FGD4: variants seen among roughly 807,000 people sequenced by gnomAD.
The protein encoded by FGD4 is FYVE, RhoGEF and PH domain-containing protein 4.
A neutral mutation model predicts 102.0 loss-of-function variants in FGD4; 42 were observed. The observed-to-expected ratio is 0.41, with a 90% confidence interval of 0.32 to 0.53. The LOEUF is 0.53. FGD4 is among the 20% of genes least tolerant of loss of function. FGD4 has a pLI of 0.21. For synonymous variants in FGD4, 380 were observed against 375.7 expected (o/e 1.01, Z -0.13); for missense variants, 902 against 1,078.2 (o/e 0.84, Z 2.29).
chr12:32,564,050 G>T (rs1944969966), intron 1 of FGD4, 87 bp from the exon 2 acceptor site: 1 of 1,252,296 alleles, frequency 8.0e-7, no homozygotes, highest in Non-Finnish European at 1.1e-6. Context: ...GGAGGGAGAG[G>T]GAGTGGGAGA....
rs574123714 is a variant in FGD4 at position 32,443,337 on chromosome 12, C to A, written c.166+43378C>A. Among the ~76,000 whole-genome samples, 9 of 152,160 alleles carry A rather than the reference C, an allele frequency of 5.9e-5. No individual in the cohort carries two copies. In the East Asian group the frequency reaches 1.5e-3, roughly 26 times the overall value. On this transcript the variant is annotated intron_variant, in intron 1 of 16. Transcript: ENST00000534526. ...GTCTAGCCTGGGCAACAGAACAAGA[C>A]CCCTGGTTTTTTTGGTTTATTGTTG...
intron 1 of FGD4, among the ~76,000 whole-genome samples, chr12:32,562,342 G>A (rs1016870227): frequency 4.6e-5 from 7 of 152,196 alleles, no homozygotes; most frequent in African/African-American, 1.7e-4. Flanking sequence ...GCCCATGTGG[G>A]AAAAGTGTTT....
chr12:32,518,749 A>G (rs1356600787), intron 1 of FGD4, among the ~76,000 whole-genome samples: 2 of 152,094 alleles, frequency 1.3e-5, no homozygotes, highest in Admixed American at 1.3e-4. Flanking sequence ...AAACATCATA[A>G]GCTATTTAAT....
chr12:32,528,610 C>G (rs1220782495), intron 1 of FGD4, among the ~76,000 whole-genome samples: 2 of 152,120 alleles, frequency 1.3e-5, no homozygotes, highest in Non-Finnish European at 2.9e-5. Context: ...ATGCTGTTCT[C>G]GAACTCCTGA....
intron 1 of FGD4, among the ~76,000 whole-genome samples, chr12:32,479,773 A>G (rs1943672897): frequency 1.4e-5 from 2 of 147,548 alleles, no homozygotes; most frequent in South Asian, 4.3e-4. Flanking sequence ...AGAAAAATTT[A>G]TAAAGCATTA....
intron 1 of FGD4, among the ~76,000 whole-genome samples, chr12:32,504,941 T>C (rs1938562369): frequency 6.6e-6 from 1 of 152,238 alleles, no homozygotes; most frequent in African/African-American, 2.4e-5. Flanking sequence ...TTTCATACTA[T>C]GTTTTGTGGA....
At chr12:32,524,231 C>T (rs1940877686) in intron 1 of FGD4, among the ~76,000 whole-genome samples, 1 of 150,876 alleles carries the variant, frequency 6.6e-6, no homozygotes, top group Non-Finnish European at 1.5e-5. Flanking sequence ...CCCGTCTCTA[C>T]TAAAAATACA....
intron 1 of FGD4, among the ~76,000 whole-genome samples, chr12:32,537,958 C>T (rs1942448039): frequency 6.6e-6 from 1 of 152,128 alleles, no homozygotes; most frequent in Admixed American, 6.5e-5. Flanking sequence ...TGCAGTGGCG[C>T]AGTCTTGGCT....
chr12:32,472,673 G>A (rs913826565), intron 1 of FGD4, among the ~76,000 whole-genome samples: 4 of 152,248 alleles, frequency 2.6e-5, no homozygotes, highest in African/African-American at 9.6e-5. Context: ...GCTGAGGAAT[G>A]CGAGTGCGGG....
intron 3 of FGD4, among the ~76,000 whole-genome samples, chr12:32,580,144 C>G (rs944640047): frequency 3.9e-5 from 6 of 152,136 alleles, no homozygotes; most frequent in Non-Finnish European, 1.5e-5. Context: ...GGGTGAAGAC[C>G]ATGGGATTTA....
At position 32,540,369 on chromosome 12, in the gene FGD4, A is replaced by G. The variant is rs145156115; in HGVS notation, c.167-23768A>G. ...GAGCTAGATATTGATAAATTTGTTT[A>G]AACAAAGACTTTCTGTTTTTTAAGC... is the stretch of plus-strand genomic sequence containing the variant. On this transcript the variant is annotated intron_variant, in intron 1 of 16. Transcript: ENST00000534526. Among the ~76,000 whole-genome samples the G allele has an allele frequency of 6.0e-3, 917 of 152,312 alleles. 8 individuals are homozygous for G. Among genetic ancestry groups the G allele is most frequent in the African/African-American group, 0.02 (847 of 41,574 alleles).
At chr12:32,614,262 G>T (rs1949316592) in intron 10 of FGD4, among the ~76,000 whole-genome samples, 1 of 152,140 alleles carries the variant, frequency 6.6e-6, no homozygotes, top group Non-Finnish European at 1.5e-5. Flanking sequence ...TAAATAAGTG[G>T]CATCAAGCTT....
chr12:32,411,954 G>A (rs1941229182), intron 1 of FGD4, among the ~76,000 whole-genome samples: 2 of 152,098 alleles, frequency 1.3e-5, no homozygotes, highest in Admixed American at 6.6e-5. Flanking sequence ...CAGACTGGGC[G>A]ACAGAGCGAG....
chr12:32,518,829 C>A (rs7308425), intron 1 of FGD4, among the ~76,000 whole-genome samples: 50,357 of 149,116 alleles, frequency 0.34, 8,646 homozygotes, highest in Middle Eastern at 0.47. Context: ...AAAAAAAAAA[C>A]AAGGGCCAGG....
chr12:32,566,174 T>G (rs947370310), intron 2 of FGD4, among the ~76,000 whole-genome samples: 4 of 152,132 alleles, frequency 2.6e-5, no homozygotes, highest in African/African-American at 4.8e-5. Flanking sequence ...AGGGCCTGCT[T>G]TGTGGTCCAT....
At chr12:32,637,100 G>C (rs1950880548) in intron 15 of FGD4, among the ~76,000 whole-genome samples, 1 of 146,596 alleles carries the variant, frequency 6.8e-6, no homozygotes, top group Non-Finnish European at 1.5e-5. Flanking sequence ...TGTTGGCCAG[G>C]CTTGTCTCAA....
chr12:32,440,677 T>G (rs769866869), intron 1 of FGD4, among the ~76,000 whole-genome samples: 5 of 152,252 alleles, frequency 3.3e-5, no homozygotes, highest in Admixed American at 1.3e-4. Context: ...TCCTGGCTGC[T>G]GCCTATGTTC....
At chr12:32,575,802 G>T (rs1449164595) in intron 2 of FGD4, among the ~76,000 whole-genome samples, 1 of 152,206 alleles carries the variant, frequency 6.6e-6, no homozygotes, top group African/African-American at 2.4e-5. Context: ...GTTTGTTGTT[G>T]TTTTGTTGGC....
intron 1 of FGD4, among the ~76,000 whole-genome samples, chr12:32,533,601 T>G (rs1941991994): frequency 6.6e-6 from 1 of 152,138 alleles, no homozygotes; most frequent in African/African-American, 2.4e-5. Context: ...AATTGTTGTA[T>G]TTTTAGTAGA....
Sources: gnomAD v4.1 joint callset for allele counts (sites outside exome capture counted in the v4.1 genomes callset) on GRCh38, gnomAD v4.1.1 for gene constraint, MANE v1.5 for transcripts, NCBI Gene and HGNC (gene_info 2026-07-23, HGNC 2026-07-21) for gene names.